DLGAP2: variants seen among roughly 807,000 people sequenced by gnomAD.
The protein encoded by DLGAP2 is DLG associated protein 2, also known as disks large-associated protein 2.
Under a neutral mutation model 100.3 loss-of-function variants are expected in DLGAP2, and 26 were observed. That is an observed-to-expected ratio of 0.26 (90% confidence interval 0.19 to 0.36). The LOEUF is 0.36. Ranked by LOEUF, DLGAP2 falls within the 10% of genes least tolerant of loss-of-function variation. The probability of loss-of-function intolerance (pLI) is 1.00; values close to 1 mark genes in which losing one functional copy is unlikely to be tolerated. For missense variants in DLGAP2, 1,858 were observed against 1,453.2 expected (o/e 1.28, Z -4.53); for synonymous variants, 886 against 630.1 (o/e 1.41, Z -6.08).
intron 10 of DLGAP2, among the ~76,000 whole-genome samples, chr8:1,676,192 A>G (rs1798807046): frequency 6.6e-6 from 1 of 152,160 alleles, no homozygotes; most frequent in Non-Finnish European, 1.5e-5. Flanking sequence ...TTTCTTCACC[A>G]TAGGGCGTGA....
At chr8:1,408,780 C>T (rs1426857706) in intron 3 of DLGAP2, among the ~76,000 whole-genome samples, 1 of 152,066 alleles carries the variant, frequency 6.6e-6, no homozygotes, top group Non-Finnish European at 1.5e-5. Flanking sequence ...AGCTCTACCA[C>T]CAAGAGACCC....
chr8:1,100,572 ATG>A (rs1345178758), intron 2 of DLGAP2, among the ~76,000 whole-genome samples: 1 of 152,150 alleles, frequency 6.6e-6, no homozygotes, highest in African/African-American at 2.4e-5. Context: ...TGGTCTCAGA[ATG>A]TGTCTTCTCT....
At chr8:1,345,973 A>C (rs759672273) in intron 3 of DLGAP2, among the ~76,000 whole-genome samples, 4 of 152,220 alleles carry the variant, frequency 2.6e-5, no homozygotes, top group Non-Finnish European at 5.9e-5. Flanking sequence ...AGCTGCCCAT[A>C]GAAACAGGGT....
chr8:1,677,006 G>A (rs564292100), intron 11 of DLGAP2, among the ~76,000 whole-genome samples: 23 of 152,278 alleles, frequency 1.5e-4, no homozygotes, highest in African/African-American at 2.9e-4. Flanking sequence ...TTCATACACC[G>A]TGAAATTGTT....
At chr8:771,830 G>C (rs757995844) in intron 1 of DLGAP2, among the ~76,000 whole-genome samples, 3 of 152,210 alleles carry the variant, frequency 2.0e-5, no homozygotes, top group Admixed American at 6.5e-5. Context: ...CAATGGAAAG[G>C]GCAGTGTGGA....
intron 3 of DLGAP2, among the ~76,000 whole-genome samples, chr8:1,441,082 G>T (rs113942185): frequency 6.6e-6 from 1 of 152,160 alleles, no homozygotes; most frequent in Non-Finnish European, 1.5e-5. Flanking sequence ...AAAAGTCTAT[G>T]TTCGAAACAT....
At chr8:1,053,292 T>C (rs2701907) in intron 2 of DLGAP2, among the ~76,000 whole-genome samples, 65,803 of 151,966 alleles carry the variant, frequency 0.43, 14,577 homozygotes, top group African/African-American at 0.52. Flanking sequence ...GCCTTCTAAT[T>C]TGTAAAATGC....
At chr8:864,991 C>T (rs1042550103) in intron 1 of DLGAP2, among the ~76,000 whole-genome samples, 8 of 152,148 alleles carry the variant, frequency 5.3e-5, no homozygotes, top group Non-Finnish European at 8.8e-5. Flanking sequence ...CAGATATAAA[C>T]TTGTTGAACA....
At chr8:1,589,714 G>A (rs1013471716) in intron 6 of DLGAP2, among the ~76,000 whole-genome samples, 1 of 152,196 alleles carries the variant, frequency 6.6e-6, no homozygotes, top group Non-Finnish European at 1.5e-5. Context: ...TGTTTTTAAA[G>A]AAGATGTACA....
At chr8:929,995 G>A (rs1798918650) in intron 2 of DLGAP2, among the ~76,000 whole-genome samples, 1 of 151,900 alleles carries the variant, frequency 6.6e-6, no homozygotes, top group Admixed American at 6.6e-5. Flanking sequence ...TCTGTGTTGT[G>A]TCTCTGGGAG....
At chr8:1,506,608 G>A (rs186438382) in intron 4 of DLGAP2, among the ~76,000 whole-genome samples, 4 of 152,336 alleles carry the variant, frequency 2.6e-5, no homozygotes, top group African/African-American at 7.2e-5. Flanking sequence ...GATCTCAGCA[G>A]GTTGCCAGTG....
intron 10 of DLGAP2, among the ~76,000 whole-genome samples, chr8:1,670,904 T>C (rs976581991): frequency 2.0e-5 from 3 of 152,218 alleles, no homozygotes; most frequent in African/African-American, 7.2e-5. Flanking sequence ...GGGTTCCTTC[T>C]TTCAGGGAGG....
At chr8:1,483,725 A>AAGGCAGGTGCAGAATGTGGGGACCAGGG (rs1563176071) in intron 3 of DLGAP2, among the ~76,000 whole-genome samples, 13 of 9,064 alleles carry the variant, frequency 1.4e-3, no homozygotes, top group Non-Finnish European at 2.3e-3. Context: ...GGGGACCAGG[A>AAGGCAGGTGCAGAATGTGGGGACCAGGG]AGGCAGGTGC....
chr8:1,495,138 C>A (rs1399314967), intron 3 of DLGAP2, among the ~76,000 whole-genome samples: 1 of 152,182 alleles, frequency 6.6e-6, no homozygotes, highest in Non-Finnish European at 1.5e-5. Flanking sequence ...CAGACGGGGG[C>A]CAGCGTCAAG....
chr8:863,780 T>C (rs1416493064), intron 1 of DLGAP2, among the ~76,000 whole-genome samples: 1 of 152,090 alleles, frequency 6.6e-6, no homozygotes, highest in Non-Finnish European at 1.5e-5. Flanking sequence ...TTGATGGAAA[T>C]GTAAATTAGT....
At chr8:742,202 T>G (rs902058471) in intron 1 of DLGAP2, among the ~76,000 whole-genome samples, 1 of 152,242 alleles carries the variant, frequency 6.6e-6, no homozygotes, top group Non-Finnish European at 1.5e-5. Flanking sequence ...CTTATTCATC[T>G]TCGGGTACTG....
intron 2 of DLGAP2, among the ~76,000 whole-genome samples, chr8:1,078,117 G>T (rs1367135386): frequency 6.6e-6 from 1 of 152,192 alleles, no homozygotes; most frequent in Non-Finnish European, 1.5e-5. Flanking sequence ...GGGAGGGATG[G>T]TGAGTCCCTT....
intron 2 of DLGAP2, among the ~76,000 whole-genome samples, chr8:1,153,102 CT>C (rs1452959039): frequency 2.0e-5 from 3 of 152,170 alleles, no homozygotes; most frequent in Non-Finnish European, 2.9e-5. Context: ...CCTTCTCCCC[CT>C]GCTTTGACCC....
intron 6 of DLGAP2, among the ~76,000 whole-genome samples, chr8:1,597,749 C>T (rs1293775073): frequency 6.6e-6 from 1 of 152,174 alleles, no homozygotes; most frequent in African/African-American, 2.4e-5. Context: ...AGTTGCTTAT[C>T]GGCTTAAGGA....
Sources: allele counts gnomAD v4.1 joint callset (sites outside exome capture counted in the v4.1 genomes callset), GRCh38; gene constraint gnomAD v4.1.1; transcripts MANE v1.5; gene names NCBI Gene and HGNC (gene_info 2026-07-23, HGNC 2026-07-21).